Variants in FHIT observed in about 807,000 individuals in gnomAD.
FHIT encodes the protein bis(5'-adenosyl)-triphosphatase.
In FHIT, 19 loss-of-function variants were observed where a neutral mutation model predicts 17.9. That is an observed-to-expected ratio of 1.06 (90% CI 0.74 to 1.56). The LOEUF is 1.56. FHIT is among the 40% of genes most tolerant of loss of function. FHIT has a pLI of 0.00. For synonymous variants in FHIT, 81 were observed against 69.7 expected (o/e 1.16, Z -0.81); for missense variants, 248 against 189.2 (o/e 1.31, Z -1.82).
At chr3:61,068,271 C>A (rs1000223822) in intron 2 of FHIT, among the ~76,000 whole-genome samples, 2 of 152,152 alleles carry the variant, frequency 1.3e-5, no homozygotes, top group Non-Finnish European at 2.9e-5. Context: ...AAGAATGTTT[C>A]CTTGCTCATT....
intron 3 of FHIT, among the ~76,000 whole-genome samples, chr3:60,939,695 C>G (rs562567334): frequency 2.6e-5 from 4 of 151,826 alleles, no homozygotes; most frequent in African/African-American, 9.7e-5. Context: ...TTATTATAAC[C>G]GAAGACATAA....
At chr3:60,028,095 G>C (rs1700831446) in intron 5 of FHIT, among the ~76,000 whole-genome samples, 1 of 152,142 alleles carries the variant, frequency 6.6e-6, no homozygotes. Context: ...ATGGTAACAA[G>C]GAGTGGTGGA....
chr3:60,128,082 T>A (rs1335981785), intron 5 of FHIT, among the ~76,000 whole-genome samples: 3 of 152,190 alleles, frequency 2.0e-5, no homozygotes, highest in African/African-American at 7.2e-5. Flanking sequence ...AGATCAGTGT[T>A]GAAACAACAT....
Position 60,282,719 on chromosome 3 carries a change from C to T in FHIT, c.103+254141G>A, listed in dbSNP as rs144370284. Among the ~76,000 whole-genome samples the T allele has an allele frequency of 5.6e-3, 845 of 152,160 alleles. 4 individuals carry two copies. Among genetic ancestry groups the T allele is most frequent in the Middle Eastern group, 0.017 (5 of 292 alleles). ...ACGGAAGGAAAATGTTATGGTAAGT[C>T]TCTCAACTATCTGCACAATTTTTCT... On this transcript the variant is annotated intron_variant, in intron 5 of 9. Transcript: ENST00000492590.
intron 5 of FHIT, among the ~76,000 whole-genome samples, chr3:60,293,586 G>T (rs1708081097): frequency 6.6e-6 from 1 of 152,054 alleles, no homozygotes; most frequent in South Asian, 2.1e-4. Context: ...AGTATTATAG[G>T]GCATAGGGAA....
At chr3:60,817,014 T>C (rs1392148640) in intron 4 of FHIT, among the ~76,000 whole-genome samples, 2 of 152,036 alleles carry the variant, frequency 1.3e-5, no homozygotes, top group Non-Finnish European at 2.9e-5. Context: ...AATTTAGGAT[T>C]CTATTTTATC....
intron 1 of FHIT, among the ~76,000 whole-genome samples, chr3:61,235,223 G>C (rs1386525400): frequency 6.6e-6 from 1 of 152,118 alleles, no homozygotes; most frequent in Non-Finnish European, 1.5e-5. Context: ...AAGCTCCCTA[G>C]CCGGATGGCC....
At chr3:60,708,904 T>C (rs1197287736) in intron 4 of FHIT, among the ~76,000 whole-genome samples, 1 of 152,206 alleles carries the variant, frequency 6.6e-6, no homozygotes, top group Non-Finnish European at 1.5e-5. Flanking sequence ...GCTAGTAACA[T>C]TTGTAAACTT....
At chr3:60,717,671 G>A (rs982828092) in intron 4 of FHIT, among the ~76,000 whole-genome samples, 1 of 152,186 alleles carries the variant, frequency 6.6e-6, no homozygotes, top group Non-Finnish European at 1.5e-5. Context: ...AACTTTAAGT[G>A]TTCTAGAGCA....
At chr3:60,639,219 A>C (rs72872761) in intron 4 of FHIT, among the ~76,000 whole-genome samples, 3,301 of 151,812 alleles carry the variant, frequency 0.022, 142 homozygotes, top group African/African-American at 0.076. Context: ...TCTGAGCTAG[A>C]GAGAGAAGTT....
intron 5 of FHIT, among the ~76,000 whole-genome samples, chr3:60,156,395 T>G (rs909585263): frequency 5.3e-5 from 8 of 151,792 alleles, no homozygotes; most frequent in Admixed American, 3.3e-4. Context: ...TGTCTAATTG[T>G]TTTAAAACTC....
At chr3:61,042,295 A>T (rs373562811) in intron 2 of FHIT, among the ~76,000 whole-genome samples, 196 bp from the exon 3 acceptor site, 47 of 152,354 alleles carry the variant, frequency 3.1e-4, no homozygotes, top group African/African-American at 1.1e-3. Flanking sequence ...AGTAAATTAA[A>T]TGGTTAAAAG....
intron 2 of FHIT, among the ~76,000 whole-genome samples, chr3:61,077,485 C>T (rs74595367): frequency 6.6e-6 from 1 of 151,304 alleles, no homozygotes. Context: ...AACAAACAAA[C>T]AAAAAAAAAC....
intron 5 of FHIT, among the ~76,000 whole-genome samples, chr3:60,418,411 TATATATATATATATAC>T (rs771994245): frequency 0.065 from 7,696 of 118,584 alleles, 918 homozygotes; most frequent in East Asian, 0.16. Context: ...TATATATATA[TATATATATATATATAC>T]GTGTATACAC....
chr3:59,908,612 G>T (rs966219935), intron 8 of FHIT, among the ~76,000 whole-genome samples: 1 of 152,160 alleles, frequency 6.6e-6, no homozygotes, highest in South Asian at 2.1e-4. Context: ...GGAAACAACA[G>T]CCAAGGACAA....
chr3:59,854,649 G>GA (rs1468439819), intron 8 of FHIT, among the ~76,000 whole-genome samples: 1 of 152,278 alleles, frequency 6.6e-6, no homozygotes, highest in Admixed American at 6.5e-5. Context: ...TTTTACAGAT[G>GA]AAAAAACTGA....
intron 8 of FHIT, among the ~76,000 whole-genome samples, chr3:59,774,610 C>A (rs562391098): frequency 1.4e-3 from 211 of 152,356 alleles, no homozygotes; most frequent in African/African-American, 4.8e-3. Flanking sequence ...ATTAATATTA[C>A]TGCTAGCAGT....
intron 5 of FHIT, among the ~76,000 whole-genome samples, chr3:60,067,361 C>A (rs947524618): frequency 2.0e-5 from 3 of 151,962 alleles, no homozygotes; most frequent in African/African-American, 7.3e-5. Flanking sequence ...TGAATAAGCA[C>A]ACATACACAG....
At chr3:60,890,221 T>TAAAAAAAAAAAAAAAAAAAAAAAAAAA (rs59950717) in intron 3 of FHIT, among the ~76,000 whole-genome samples, 4 of 115,636 alleles carry the variant, frequency 3.5e-5, no homozygotes, top group African/African-American at 1.1e-4. Context: ...TTCCATGATG[T>TAAAAAAAAAAAAAAAAAAAAAAAAAAA]AAAAAAAAAA....
Sources: allele counts gnomAD v4.1 joint callset (sites outside exome capture counted in the v4.1 genomes callset), GRCh38; gene constraint gnomAD v4.1.1; transcripts MANE v1.5; gene names NCBI Gene and HGNC (gene_info 2026-07-23, HGNC 2026-07-21).